FOXP2: variants seen among roughly 807,000 people sequenced by gnomAD.
FOXP2 encodes forkhead box P2.
In FOXP2, 12 loss-of-function variants were observed where a neutral mutation model predicts 115.8. The observed-to-expected ratio is 0.10, with a 90% CI of 0.07 to 0.17. FOXP2 has a LOEUF of 0.17. FOXP2 is among the 10% of genes least tolerant of loss of function. FOXP2 has a pLI of 1.00. For missense variants in FOXP2, 629 were observed against 843.5 expected (o/e 0.75, Z 3.15); for synonymous variants, 328 against 297.7 (o/e 1.10, Z -1.05).
intron 3 of FOXP2, among the ~76,000 whole-genome samples, chr7:114,543,982 A>C (rs1435836789): frequency 2.0e-5 from 3 of 152,170 alleles, no homozygotes; most frequent in African/African-American, 7.2e-5. Context: ...GTTCCTTCAG[A>C]GTAAAAGTTG....
intron 2 of FOXP2, among the ~76,000 whole-genome samples, chr7:114,529,450 G>T (rs1335281829): frequency 6.6e-6 from 1 of 151,672 alleles, no homozygotes; most frequent in East Asian, 1.9e-4. Context: ...TAAATAGGAT[G>T]CTTTGTAAGT....
chr7:114,242,823 A>C (rs1181628771), intron 1 of FOXP2, among the ~76,000 whole-genome samples: 16 of 152,110 alleles, frequency 1.1e-4, no homozygotes, highest in Non-Finnish European at 2.2e-4. Flanking sequence ...CATTTTACTT[A>C]AGCTAGCTCA....
intron 3 of FOXP2, among the ~76,000 whole-genome samples, chr7:114,559,867 C>G (rs1239170214): frequency 7.2e-6 from 1 of 138,640 alleles, no homozygotes. Flanking sequence ...CCAGCCTGGG[C>G]GACAGAGCAA....
chr7:114,656,047 T>C (rs1456031), intron 10 of FOXP2, among the ~76,000 whole-genome samples: 67,164 of 152,070 alleles, frequency 0.44, 15,899 homozygotes, highest in South Asian at 0.56. Flanking sequence ...TTTGTGATTG[T>C]ACGCCTACAA....
intron 1 of FOXP2, among the ~76,000 whole-genome samples, chr7:114,264,185 A>G (rs576364096): frequency 2.0e-4 from 31 of 152,270 alleles, no homozygotes; most frequent in African/African-American, 7.0e-4. Flanking sequence ...TATACCAGAG[A>G]GCTGTCCAGA....
rs762414429 is a variant in FOXP2, at chr7:114,658,090, A to T, written c.1291A>T (p.Met431Leu). 6.2e-7 allele frequency: 1 copy of T among 1,613,756 alleles called. No homozygotes were observed. Among genetic ancestry groups the T allele is most frequent in the South Asian group, 1.1e-5 (1 of 91,074 alleles). The change falls in exon 11 of 17, where the codon ATG becomes TTG. Residue 431 changes from methionine to leucine, a missense_variant. Physicochemically the swap from Met to Leu is conservative, Grantham distance 15. Transcript: ENST00000350908. ...KPLNLVSSVT[M>L]SKNMLETSPQ... ...GCTAAATCTGGTGTCTAGTGTCACCATGTCGAAGAATATGTTGGAGACATC... is the reference window on the plus strand; with the variant it reads ...GCTAAATCTGGTGTCTAGTGTCACCTTGTCGAAGAATATGTTGGAGACATC...
chr7:114,363,230 C>T (rs1454725791), intron 2 of FOXP2, among the ~76,000 whole-genome samples: 1 of 152,008 alleles, frequency 6.6e-6, no homozygotes, highest in African/African-American at 2.4e-5. Flanking sequence ...CATGATCCTG[C>T]TTTAGAAGTG....
intron 16 of FOXP2, chr7:114,664,866 C>T (rs977204134): frequency 2.1e-5 from 4 of 191,884 alleles, no homozygotes; most frequent in East Asian, 2.9e-4. Context: ...TTTTATAAAC[C>T]GTAAAATGCA....
intron 3 of FOXP2, among the ~76,000 whole-genome samples, chr7:114,549,148 T>C (rs2129285694): frequency 6.6e-6 from 1 of 152,302 alleles, no homozygotes; most frequent in South Asian, 2.1e-4. Flanking sequence ...CAAACTTCCA[T>C]TGACACATAC....
chr7:114,525,359 A>T (rs1168077369), intron 2 of FOXP2, among the ~76,000 whole-genome samples: 1 of 152,224 alleles, frequency 6.6e-6, no homozygotes, highest in Non-Finnish European at 1.5e-5. Context: ...TTACATGTGA[A>T]GTTAAGTATT....
chr7:114,122,194 TA>T (rs1791584452), intron 1 of FOXP2, among the ~76,000 whole-genome samples: 1 of 152,164 alleles, frequency 6.6e-6, no homozygotes, highest in African/African-American at 2.4e-5. Flanking sequence ...TGGAAATATG[TA>T]AGGAGTTTCT....
At chr7:114,428,814 TA>T (rs1793982346) in intron 2 of FOXP2, among the ~76,000 whole-genome samples, 1 of 151,422 alleles carries the variant, frequency 6.6e-6, no homozygotes, top group African/African-American at 2.4e-5. Flanking sequence ...ATTTCAAAAC[TA>T]AAAACCATAA....
chr7:114,575,639 A>G (rs1801533569), intron 3 of FOXP2, among the ~76,000 whole-genome samples: 1 of 151,936 alleles, frequency 6.6e-6, no homozygotes, highest in East Asian at 1.9e-4. Context: ...GCAGCCAAGA[A>G]GAATCATAGC....
At chr7:114,348,052 ATTTG>A (rs1399077418) in intron 2 of FOXP2, among the ~76,000 whole-genome samples, 1 of 152,040 alleles carries the variant, frequency 6.6e-6, no homozygotes, top group East Asian at 1.9e-4. Flanking sequence ...TTTTAATCTT[ATTTG>A]TTTGATAATA....
intron 5 of FOXP2, among the ~76,000 whole-genome samples, chr7:114,630,460 T>C (rs912304072): frequency 6.6e-6 from 1 of 152,130 alleles, no homozygotes; most frequent in African/African-American, 2.4e-5. Context: ...CTACTGTAGG[T>C]TGAGAGTGGC....
At chr7:114,626,089 A>G (rs1026769402) in intron 3 of FOXP2, among the ~76,000 whole-genome samples, 1 of 151,994 alleles carries the variant, frequency 6.6e-6, no homozygotes. Flanking sequence ...CATTTAAAAC[A>G]TATGATCTTA....
intron 3 of FOXP2, among the ~76,000 whole-genome samples, chr7:114,603,464 T>C (rs1803141603): frequency 6.6e-6 from 1 of 152,234 alleles, no homozygotes; most frequent in Admixed American, 6.6e-5. Flanking sequence ...AAATGTTTGT[T>C]GGCCTAATGA....
chr7:114,278,565 G>A (rs578187622), intron 1 of FOXP2, among the ~76,000 whole-genome samples: 25 of 152,174 alleles, frequency 1.6e-4, no homozygotes, highest in Non-Finnish European at 2.5e-4. Flanking sequence ...TGTTGGCCAG[G>A]CTGGTCTTGA....
chr7:114,368,481 C>T (rs1002593872), intron 2 of FOXP2, among the ~76,000 whole-genome samples: 13 of 152,110 alleles, frequency 8.5e-5, no homozygotes, highest in Non-Finnish European at 1.5e-5. Flanking sequence ...TATGTCAAAC[C>T]CTCCAGTTTT....
Sources: allele counts gnomAD v4.1 joint callset (sites outside exome capture counted in the v4.1 genomes callset), GRCh38; gene constraint gnomAD v4.1.1; transcripts MANE v1.5; gene names NCBI Gene and HGNC (gene_info 2026-07-23, HGNC 2026-07-21).